CDH18: variants seen among roughly 807,000 people sequenced by gnomAD.
CDH18 encodes cadherin-18.
A neutral mutation model predicts 67.9 loss-of-function variants in CDH18; 31 were observed. That is an observed-to-expected ratio of 0.46 (90% CI 0.34 to 0.62). The LOEUF (loss-of-function observed/expected upper bound fraction) is 0.62. Among genes scored for constraint, CDH18 ranks in the 20% least tolerant of loss-of-function variants. The probability of loss-of-function intolerance (pLI) is 0.01; values close to 1 mark genes in which losing one functional copy is unlikely to be tolerated. For missense variants in CDH18, 890 were observed against 975.5 expected (o/e 0.91, Z 1.17); for synonymous variants, 362 against 347.2 (o/e 1.04, Z -0.48).
At chr5:19,701,938 C>T (rs879527040) in intron 5 of CDH18, among the ~76,000 whole-genome samples, 9 of 152,050 alleles carry the variant, frequency 5.9e-5, no homozygotes, top group Non-Finnish European at 1.3e-4. Context: ...ACGTATTGTG[C>T]AAGTCTTGCT....
intron 1 of CDH18, among the ~76,000 whole-genome samples, chr5:20,555,396 A>G (rs1318575908): frequency 8.5e-6 from 1 of 118,258 alleles, no homozygotes; most frequent in African/African-American, 3.4e-5. Flanking sequence ...AGAACCACCA[A>G]GACAAGCTTT....
At position 19,787,809 on chromosome 5, in the gene CDH18, T is replaced by TTTTA. The variant is rs1554034046; in HGVS notation, c.229-40574_229-40573insTAAA. ...TCCAATGAATAGCAGTAATTTACAG[T>TTTTA]TATATATATATATATATATGTTTAC... On this transcript the variant is annotated intron_variant, in intron 3 of 12. Coordinates refer to ENST00000382275, the MANE Select transcript of CDH18 (RefSeq NM_004934.5). Among the ~76,000 whole-genome samples, 213 of 144,414 alleles carry TTTTA rather than the reference T, an allele frequency of 1.5e-3. 1 individual carries two copies. The highest frequency in any genetic ancestry group is 4.9e-3 in the African/African-American group (192 of 39,238). The allele number at this position is 144,414 out of a possible 152,430, so 94.7% of individuals were successfully genotyped here.
At chr5:19,626,203 A>C (rs2150159906) in intron 5 of CDH18, among the ~76,000 whole-genome samples, 1 of 152,288 alleles carries the variant, frequency 6.6e-6, no homozygotes, top group East Asian at 1.9e-4. Context: ...AACAAATAGC[A>C]CCAAGAAAAA....
intron 2 of CDH18, among the ~76,000 whole-genome samples, chr5:19,928,716 C>G (rs1163148187): frequency 6.6e-6 from 1 of 152,076 alleles, no homozygotes; most frequent in African/African-American, 2.4e-5. Context: ...AAGAAAACAG[C>G]CCAGAGTGTG....
At chr5:19,926,034 A>G (rs916234738) in intron 2 of CDH18, among the ~76,000 whole-genome samples, 3 of 152,184 alleles carry the variant, frequency 2.0e-5, no homozygotes. Context: ...TATTCATGAC[A>G]TATCAACTTT....
At chr5:20,020,988 G>A (rs185515190) in intron 2 of CDH18, among the ~76,000 whole-genome samples, 16 of 151,892 alleles carry the variant, frequency 1.1e-4, no homozygotes, top group Admixed American at 3.3e-4. Context: ...CAGAGCCACC[G>A]GGGTGAAGGT....
intron 2 of CDH18, among the ~76,000 whole-genome samples, chr5:20,208,582 A>C (rs1418384227): frequency 6.6e-6 from 1 of 152,172 alleles, no homozygotes; most frequent in Non-Finnish European, 1.5e-5. Context: ...AAATTATTTA[A>C]AGACTTAAAC....
chr5:20,353,420 T>C (rs573600094), intron 1 of CDH18, among the ~76,000 whole-genome samples: 1 of 152,352 alleles, frequency 6.6e-6, no homozygotes, highest in East Asian at 1.9e-4. Context: ...AATACATTAA[T>C]GAATTAAGTG....
At chr5:19,568,122 G>A (rs1216451862) in intron 8 of CDH18, among the ~76,000 whole-genome samples, 1 of 151,974 alleles carries the variant, frequency 6.6e-6, no homozygotes, top group East Asian at 1.9e-4. Context: ...TATTGACTTG[G>A]GGCCAGATAA....
chr5:20,093,207 TCACACACATACA>T (rs1357196210), intron 2 of CDH18, among the ~76,000 whole-genome samples: 1 of 151,372 alleles, frequency 6.6e-6, no homozygotes, highest in African/African-American at 2.4e-5. Flanking sequence ...ACCATCTCAC[TCACACACATACA>T]CACACACATA....
chr5:20,410,099 G>T (rs1746641940), intron 1 of CDH18, among the ~76,000 whole-genome samples: 1 of 151,660 alleles, frequency 6.6e-6, no homozygotes, highest in Non-Finnish European at 1.5e-5. Context: ...CTCTGCAAAA[G>T]AATTGAACAG....
intron 9 of CDH18, among the ~76,000 whole-genome samples, chr5:19,542,446 A>C (rs1350864366): frequency 6.6e-6 from 1 of 152,246 alleles, no homozygotes; most frequent in African/African-American, 2.4e-5. Context: ...AAACATTTCC[A>C]CAACTACTTT....
intron 3 of CDH18, among the ~76,000 whole-genome samples, chr5:19,786,824 T>G (rs1199021432): frequency 6.6e-6 from 1 of 152,042 alleles, no homozygotes; most frequent in African/African-American, 2.4e-5. Flanking sequence ...AAGTCCAGTG[T>G]CTGTGTGCTA....
chr5:20,352,616 TAA>T (rs771307266), intron 1 of CDH18, among the ~76,000 whole-genome samples: 319 of 47,664 alleles, frequency 6.7e-3, no homozygotes, highest in Non-Finnish European at 8.7e-3. Flanking sequence ...CCGTCTCTAC[TAA>T]AAATACAAAA....
intron 5 of CDH18, among the ~76,000 whole-genome samples, chr5:19,709,581 A>G (rs1214305889): frequency 6.6e-6 from 1 of 151,964 alleles, no homozygotes; most frequent in Non-Finnish European, 1.5e-5. Flanking sequence ...ACAACAACAA[A>G]AAAAGAAAGT....
intron 1 of CDH18, among the ~76,000 whole-genome samples, chr5:20,366,608 G>A (rs147129192): frequency 9.7e-4 from 147 of 152,200 alleles, no homozygotes; most frequent in African/African-American, 3.3e-3. Context: ...ATTGGCAAGC[G>A]GCTTTACCTC....
intron 1 of CDH18, among the ~76,000 whole-genome samples, chr5:20,378,307 G>A (rs1365345040): frequency 1.3e-5 from 2 of 152,120 alleles, no homozygotes; most frequent in Non-Finnish European, 2.9e-5. Context: ...TAGTAGCTGG[G>A]ACTACAGGCA....
chr5:20,195,164 A>C, intron 2 of CDH18, among the ~76,000 whole-genome samples: 1 of 152,098 alleles, frequency 6.6e-6, no homozygotes, highest in East Asian at 1.9e-4. Context: ...AATTATCATC[A>C]TAGACTTAAA....
intron 2 of CDH18, among the ~76,000 whole-genome samples, chr5:20,234,982 C>T (rs781445109): frequency 6.6e-6 from 1 of 151,998 alleles, no homozygotes; most frequent in East Asian, 1.9e-4. Flanking sequence ...TCTACATGAA[C>T]TTAAAATGCA....
Sources: gnomAD v4.1 joint callset for allele counts (sites outside exome capture counted in the v4.1 genomes callset) on GRCh38, gnomAD v4.1.1 for gene constraint, MANE v1.5 for transcripts, NCBI Gene and HGNC (gene_info 2026-07-23, HGNC 2026-07-21) for gene names.